Variants in CNTN5 observed in about 807,000 individuals in gnomAD.
CNTN5 encodes the protein contactin-5.
In CNTN5, 77 loss-of-function variants were observed where a neutral mutation model predicts 129.1. That is an observed-to-expected ratio of 0.60 (90% CI 0.50 to 0.72). The LOEUF is 0.72. Among genes scored for constraint, CNTN5 ranks in the 30% least tolerant of loss-of-function variants. CNTN5 has a pLI of 0.00. For missense variants in CNTN5, 1,478 were observed against 1,328.8 expected (o/e 1.11, Z -1.75); for synonymous variants, 509 against 465.6 (o/e 1.09, Z -1.20).
At chr11:99,837,309 A>G (rs932404399) in intron 4 of CNTN5, among the ~76,000 whole-genome samples, 7 of 152,212 alleles carry the variant, frequency 4.6e-5, no homozygotes, top group Non-Finnish European at 8.8e-5. Flanking sequence ...TCTGGACACT[A>G]TAACAAATTA....
At chr11:99,363,683 G>A (rs1231025279) in intron 2 of CNTN5, among the ~76,000 whole-genome samples, 1 of 151,934 alleles carries the variant, frequency 6.6e-6, no homozygotes, top group Non-Finnish European at 1.5e-5. Context: ...CATATTTCAC[G>A]GGTCAAACAA....
At chr11:99,919,600 T>G (rs1410557709) in intron 7 of CNTN5, among the ~76,000 whole-genome samples, 4 of 152,292 alleles carry the variant, frequency 2.6e-5, no homozygotes, top group East Asian at 1.9e-4. Flanking sequence ...TTTATTGACA[T>G]GCAATTTTTA....
intron 3 of CNTN5, among the ~76,000 whole-genome samples, chr11:99,667,031 G>C (rs1368934690): frequency 6.6e-6 from 1 of 151,682 alleles, no homozygotes; most frequent in African/African-American, 2.4e-5. Context: ...ATAATTATTA[G>C]TATCATAATT....
intron 3 of CNTN5, among the ~76,000 whole-genome samples, chr11:99,673,221 C>T (rs146999893): frequency 1.5e-3 from 221 of 152,214 alleles, no homozygotes; most frequent in African/African-American, 5.2e-3. Context: ...GACAAGCTTT[C>T]GACAGACAGC....
At chr11:99,907,621 C>G (rs1949544498) in intron 6 of CNTN5, among the ~76,000 whole-genome samples, 1 of 151,412 alleles carries the variant, frequency 6.6e-6, no homozygotes, top group Non-Finnish European at 1.5e-5. Context: ...ATGTCAAACA[C>G]TATAAAAGGC....
chr11:99,872,927 G>A (rs142788394), intron 6 of CNTN5, among the ~76,000 whole-genome samples: 15 of 152,126 alleles, frequency 9.9e-5, no homozygotes, highest in East Asian at 5.8e-4. Context: ...CTAACCAACC[G>A]TATACTAATG....
chr11:100,160,153 T>C (rs966852000), intron 13 of CNTN5, among the ~76,000 whole-genome samples: 2 of 151,974 alleles, frequency 1.3e-5, no homozygotes, highest in Non-Finnish European at 1.5e-5. Flanking sequence ...CTCCCACTTA[T>C]GACTGACAAC....
intron 20 of CNTN5, among the ~76,000 whole-genome samples, chr11:100,301,090 C>T (rs747455863): frequency 2.0e-5 from 3 of 151,578 alleles, no homozygotes; most frequent in Non-Finnish European, 4.4e-5. Flanking sequence ...CAGGAATGTA[C>T]ACAATAGTGA....
At chr11:100,062,749 T>G (rs1943533552) in intron 10 of CNTN5, among the ~76,000 whole-genome samples, 1 of 152,176 alleles carries the variant, frequency 6.6e-6, no homozygotes, top group Non-Finnish European at 1.5e-5. Context: ...TTTCTAAGAT[T>G]GAAATATTAG....
chr11:99,832,518 T>C (rs1332268219), intron 4 of CNTN5, among the ~76,000 whole-genome samples: 1 of 152,244 alleles, frequency 6.6e-6, no homozygotes, highest in Non-Finnish European at 1.5e-5. Flanking sequence ...TAAATCGTTC[T>C]CTTCAATTCT....
intron 3 of CNTN5, among the ~76,000 whole-genome samples, chr11:99,616,587 T>A (rs1035024255): frequency 6.6e-6 from 1 of 152,204 alleles, no homozygotes; most frequent in Non-Finnish European, 1.5e-5. Context: ...AGAATGTGGA[T>A]AATAGGCTAT....
intron 8 of CNTN5, among the ~76,000 whole-genome samples, chr11:99,987,953 T>C (rs980156522): frequency 6.6e-6 from 1 of 152,226 alleles, no homozygotes; most frequent in Admixed American, 6.5e-5. Context: ...AGCACCAGGC[T>C]TGTAGCAGAT....
At chr11:99,923,225 T>C (rs1159867095) in intron 7 of CNTN5, among the ~76,000 whole-genome samples, 1 of 152,288 alleles carries the variant, frequency 6.6e-6, no homozygotes, top group African/African-American at 2.4e-5. Context: ...CATATGTACA[T>C]GAAAATACCT....
intron 21 of CNTN5, among the ~76,000 whole-genome samples, chr11:100,321,996 A>AT (rs1315070008): frequency 2.0e-5 from 3 of 152,058 alleles, no homozygotes; most frequent in Admixed American, 6.6e-5. Flanking sequence ...GCATATAGAT[A>AT]TTTTTGTGTG....
chr11:99,892,222 A>G (rs1355961549), intron 6 of CNTN5, among the ~76,000 whole-genome samples: 1 of 152,136 alleles, frequency 6.6e-6, no homozygotes, highest in Non-Finnish European at 1.5e-5. Context: ...AATTCTGGAT[A>G]TTAGCCCTTT....
At chr11:99,194,572 A>C (rs1216018512) in intron 1 of CNTN5, among the ~76,000 whole-genome samples, 1 of 152,154 alleles carries the variant, frequency 6.6e-6, no homozygotes, top group Non-Finnish European at 1.5e-5. Flanking sequence ...ATTACTTAGA[A>C]GTCTTCAACA....
chr11:99,263,712 G>A (rs1591440143), intron 1 of CNTN5, among the ~76,000 whole-genome samples: 3 of 152,182 alleles, frequency 2.0e-5, no homozygotes, highest in Non-Finnish European at 4.4e-5. Context: ...GACCTCTGGG[G>A]TTCAAGTGGT....
intron 3 of CNTN5, among the ~76,000 whole-genome samples, chr11:99,678,679 G>A (rs1254116817): frequency 1.3e-5 from 2 of 152,050 alleles, no homozygotes; most frequent in Non-Finnish European, 2.9e-5. Flanking sequence ...AGAGGATAGT[G>A]AAAAGTTTAG....
intron 1 of CNTN5, among the ~76,000 whole-genome samples, chr11:99,291,580 A>C (rs1383492307): frequency 1.3e-5 from 2 of 152,060 alleles, no homozygotes; most frequent in African/African-American, 2.4e-5. Flanking sequence ...TGTTAAAATA[A>C]ATGTGACATT....
Sources: allele counts gnomAD v4.1 joint callset (sites outside exome capture counted in the v4.1 genomes callset), GRCh38; gene constraint gnomAD v4.1.1; transcripts MANE v1.5; gene names NCBI Gene and HGNC (gene_info 2026-07-23, HGNC 2026-07-21).